The following CFAP70 variants were observed in gnomAD, a reference collection of about 807,000 sequenced individuals.
The protein encoded by CFAP70 is cilia and flagella associated protein 70.
A neutral mutation model predicts 137.6 loss-of-function variants in CFAP70; 81 were observed. The ratio of observed to expected loss-of-function variants is 0.59; its 90% CI spans 0.49 to 0.71. CFAP70 has a LOEUF of 0.71. Ranked by LOEUF, CFAP70 falls within the 30% of genes least tolerant of loss-of-function variation. CFAP70 has a pLI of 0.00. For synonymous variants in CFAP70, 382 were observed against 423.6 expected (o/e 0.90, Z 1.20); for missense variants, 976 against 1,226.7 (o/e 0.80, Z 3.05).
At chr10:73,297,568 C>A (rs891747161) in intron 14 of CFAP70, among the ~76,000 whole-genome samples, 2 of 152,056 alleles carry the variant, frequency 1.3e-5, no homozygotes, top group African/African-American at 4.8e-5. Flanking sequence ...CACTGTACAA[C>A]TTCATAAATT....
At chr10:73,341,361 C>A (rs745470372) in intron 6 of CFAP70, 38 bp downstream of exon 7, 2 of 1,546,976 alleles carry the variant, frequency 1.3e-6, no homozygotes, top group East Asian at 4.5e-5. Context: ...TGTCAGTACA[C>A]TAAGTTTATC....
chr10:73,262,214 A>G (rs1450039113), intron 25 of CFAP70, among the ~76,000 whole-genome samples: 2 of 151,680 alleles, frequency 1.3e-5, no homozygotes, highest in Non-Finnish European at 2.9e-5. Context: ...GAAATAAACA[A>G]TTCATAAGTT....
At chr10:73,351,590 G>A (rs1449654765) in intron 3 of CFAP70, among the ~76,000 whole-genome samples, 1 of 151,858 alleles carries the variant, frequency 6.6e-6, no homozygotes, top group Non-Finnish European at 1.5e-5. Context: ...GCTCCACCAC[G>A]CCTGGCTAAT....
At chr10:73,352,042 G>A (rs567440293) in intron 3 of CFAP70, among the ~76,000 whole-genome samples, 3 of 152,302 alleles carry the variant, frequency 2.0e-5, no homozygotes, top group African/African-American at 7.2e-5. Context: ...TGATACCACA[G>A]TGGGTGTGGA....
intron 12 of CFAP70, among the ~76,000 whole-genome samples, chr10:73,300,762 C>T (rs2048887337): frequency 6.6e-6 from 1 of 152,138 alleles, no homozygotes; most frequent in African/African-American, 2.4e-5. Context: ...ACTCAGGAGG[C>T]TGAGACATGA....
chr10:73,309,240 C>T (rs549073039), intron 12 of CFAP70, among the ~76,000 whole-genome samples: 9 of 152,194 alleles, frequency 5.9e-5, no homozygotes, highest in East Asian at 3.9e-4. Context: ...CAATTGTATG[C>T]GAACAAGTTG....
At chr10:73,310,398 T>G (rs1325866754) in intron 11 of CFAP70, 149 bp from the exon 13 acceptor site, 12 of 446,308 alleles carry the variant, frequency 2.7e-5, no homozygotes, top group East Asian at 2.6e-4. Context: ...AAAATACTTT[T>G]CACATAGAAA....
chr10:73,321,417 C>A (rs2050840762), intron 9 of CFAP70, among the ~76,000 whole-genome samples: 1 of 152,080 alleles, frequency 6.6e-6, no homozygotes, highest in Non-Finnish European at 1.5e-5. Flanking sequence ...GACTCCATCT[C>A]AAAAACAAAT....
chr10:73,360,414 A>G (rs1696168058), upstream of CFAP70, among the ~76,000 whole-genome samples: 3 of 152,216 alleles, frequency 2.0e-5, no homozygotes, highest in Admixed American at 6.5e-5. Flanking sequence ...AACAAGTGCA[A>G]TAAAGTGTTA....
rs202015366 is a variant in CFAP70, at chr10:73,298,874, C to T, written c.1512+33G>A. 9 of 1,583,914 alleles carry T rather than the reference C, an allele frequency of 5.7e-6. No homozygotes were observed. The Admixed American group carries it at 1.3e-4, about 24-fold the overall frequency. Reference sequence around the variant, plus strand: ...ATGTGGAGAACTTGCTCCATAAACACCCATGGAGTAATTAAACAAGTGAAT... The same window carrying T: ...ATGTGGAGAACTTGCTCCATAAACATCCATGGAGTAATTAAACAAGTGAAT... On this transcript the variant is annotated intron_variant, in intron 14 of 26. Coordinates refer to ENST00000310715, the Ensembl canonical transcript of CFAP70.
In CFAP70 at chr10:73,342,382, A is replaced by G. The variant is rs548585081; in HGVS notation, c.400-801T>C. Among the ~76,000 whole-genome samples the G allele has an allele frequency of 2.2e-3, 337 of 152,226 alleles. 1 individual carries two copies. The highest frequency in any genetic ancestry group is 3.4e-3 in the Non-Finnish European group (229 of 68,006). Reference sequence around the variant, plus strand: ...TGAGACCCCCATCTCTACAAAAAAAAAAAATTAAAAATTAGCTAGATGCAA... The same window carrying G: ...TGAGACCCCCATCTCTACAAAAAAAGAAAATTAAAAATTAGCTAGATGCAA... On this transcript the variant is annotated intron_variant, in intron 5 of 26. Coordinates refer to ENST00000310715, the Ensembl canonical transcript of CFAP70.
intron 25 of CFAP70, among the ~76,000 whole-genome samples, chr10:73,259,274 A>C (rs542426231): frequency 6.6e-6 from 1 of 152,228 alleles, no homozygotes; most frequent in African/African-American, 2.4e-5. Flanking sequence ...GGTTACCCCA[A>C]TAAGTGCTAA....
chr10:73,299,575 T>A, intron 13 of CFAP70, 30 bp downstream of exon 14: 1 of 1,596,114 alleles, frequency 6.3e-7, no homozygotes, highest in Non-Finnish European at 8.6e-7. Flanking sequence ...ATCTTATTAC[T>A]TATCATTTCA....
In CFAP70 at chr10:73,348,252, A is replaced by G. The variant is rs760421284; in HGVS notation, c.349+171T>C. 3.7e-6 allele frequency: 6 copies of G among 1,613,714 alleles called. No individual in the cohort carries two copies. In the Admixed American group the frequency reaches 1.0e-4, roughly 27 times the overall value. On this transcript the variant is annotated intron_variant, in intron 4 of 26. Transcript: ENST00000310715. Reference sequence around the variant, plus strand: ...AACTCTGTCCTGCAAAAAGAAGCCCAAGTTGAGCCAAAGAAGAAAGGGTTA... The same window carrying G: ...AACTCTGTCCTGCAAAAAGAAGCCCGAGTTGAGCCAAAGAAGAAAGGGTTA...
At chr10:73,292,120 G>T in intron 16 of CFAP70, 106 bp from the exon 18 acceptor site, 2 of 1,364,064 alleles carry the variant, frequency 1.5e-6, no homozygotes, top group Non-Finnish European at 2.0e-6. Flanking sequence ...TGAAAGCACA[G>T]ATTGTGACTT....
chr10:73,349,311 G>A (rs182709578), intron 3 of CFAP70, among the ~76,000 whole-genome samples: 50 of 152,076 alleles, frequency 3.3e-4, no homozygotes, highest in African/African-American at 1.0e-3. Context: ...AAGCTGAGGC[G>A]GGCAGATCAC....
chr10:73,307,723 A>T (rs1440194115), intron 12 of CFAP70, among the ~76,000 whole-genome samples: 14 of 152,128 alleles, frequency 9.2e-5, no homozygotes, highest in Non-Finnish European at 1.2e-4. Flanking sequence ...ATACAACAGA[A>T]CCCCAAAATT....
chr10:73,300,076 G>A (rs2048836053), intron 12 of CFAP70, among the ~76,000 whole-genome samples: 1 of 152,112 alleles, frequency 6.6e-6, no homozygotes, highest in Admixed American at 6.5e-5. Flanking sequence ...AGTGGAATAG[G>A]CAAGCAAAAC....
At chr10:73,350,175 C>T (rs1272834016) in intron 3 of CFAP70, among the ~76,000 whole-genome samples, 1 of 152,222 alleles carries the variant, frequency 6.6e-6, no homozygotes, top group Non-Finnish European at 1.5e-5. Flanking sequence ...GTTGAAGACA[C>T]CAGGCCAATA....
Sources: allele counts gnomAD v4.1 joint callset (sites outside exome capture counted in the v4.1 genomes callset), GRCh38; gene constraint gnomAD v4.1.1; transcripts MANE v1.5; gene names NCBI Gene and HGNC (gene_info 2026-07-23, HGNC 2026-07-21).